DPP10: variants seen among roughly 807,000 people sequenced by gnomAD.
DPP10 encodes the protein dipeptidyl peptidase like 10.
In DPP10, 33 loss-of-function variants were observed where a neutral mutation model predicts 120.9. The ratio of observed to expected loss-of-function variants is 0.27; its 90% CI spans 0.21 to 0.37. The LOEUF (loss-of-function observed/expected upper bound fraction) is 0.37. DPP10 is among the 10% of genes least tolerant of loss of function. The pLI is 1.00. For missense variants in DPP10, 816 were observed against 942.8 expected, an observed-to-expected ratio of 0.87 and a Z score of 1.76; for synonymous variants, 337 against 326.1, an observed-to-expected ratio of 1.03 and a Z score of -0.36.
At chr2:114,620,871 G>A (rs1011856348) in intron 1 of DPP10, among the ~76,000 whole-genome samples, 1 of 152,096 alleles carries the variant, frequency 6.6e-6, no homozygotes, top group Non-Finnish European at 1.5e-5. Flanking sequence ...TAGCTTAGAA[G>A]CTTTGTCTTT....
intron 1 of DPP10, among the ~76,000 whole-genome samples, chr2:114,816,565 A>C (rs1030893635): frequency 6.6e-6 from 1 of 151,994 alleles, no homozygotes; most frequent in South Asian, 2.1e-4. Flanking sequence ...CCATCTCTTG[A>C]TTGTGTTGCT....
chr2:115,402,854 A>ATATATATATATATATATAT (rs1553584380), intron 3 of DPP10, among the ~76,000 whole-genome samples: 2 of 97,668 alleles, frequency 2.0e-5, no homozygotes, highest in African/African-American at 7.9e-5. Context: ...AAAAAAAAAA[A>ATATATATATATATATATAT]ATATATATAT....
At chr2:115,525,725 T>C (rs1324127485) in intron 4 of DPP10, among the ~76,000 whole-genome samples, 173 bp from the exon 5 acceptor site, 2 of 152,030 alleles carry the variant, frequency 1.3e-5, no homozygotes, top group African/African-American at 4.8e-5. Context: ...TCTTTAAGCT[T>C]TTTATATTCA....
At chr2:114,813,592 T>A (rs1048506110) in intron 1 of DPP10, among the ~76,000 whole-genome samples, 2 of 152,232 alleles carry the variant, frequency 1.3e-5, no homozygotes, top group African/African-American at 4.8e-5. Flanking sequence ...AAAATCTTAC[T>A]ACCTTATTCT....
intron 1 of DPP10, chr2:115,066,722 G>A (rs1345169509): frequency 6.6e-6 from 1 of 152,094 alleles, no homozygotes; most frequent in Non-Finnish European, 1.5e-5. Flanking sequence ...AGATGACTAA[G>A]GGAACAAAAT....
rs77252552 is a variant in DPP10, at chr2:114,853,044, G to A, written c.60+410206G>A. On this transcript the variant is annotated intron_variant, in intron 1 of 25. Transcript: ENST00000410059. ...AACTGCTCACAGACTTAAAAGTAAG[G>A]TATGTTGAGCTAAAGAAGCCAGAGA... Among the ~76,000 whole-genome samples, 1,303 of 152,178 alleles carry A rather than the reference G, an allele frequency of 8.6e-3. 7 individuals are homozygous for A. The highest frequency in any genetic ancestry group is 0.014 in the Non-Finnish European group (946 of 68,014).
intron 3 of DPP10, among the ~76,000 whole-genome samples, chr2:115,479,165 G>A (rs1168207867): frequency 6.6e-6 from 1 of 152,136 alleles, no homozygotes; most frequent in Non-Finnish European, 1.5e-5. Flanking sequence ...AGTGTCCATT[G>A]ATGGATGAGT....
chr2:115,824,175 T>A (rs1688078350), intron 21 of DPP10, among the ~76,000 whole-genome samples: 1 of 152,138 alleles, frequency 6.6e-6, no homozygotes, highest in Non-Finnish European at 1.5e-5. Context: ...TTATGAAATT[T>A]AAAAAAATGC....
At chr2:115,307,001 A>T (rs146618522) in intron 1 of DPP10, among the ~76,000 whole-genome samples, 7 of 152,190 alleles carry the variant, frequency 4.6e-5, no homozygotes, top group African/African-American at 1.7e-4. Context: ...GTGGCATTAT[A>T]GTGGTTAAGT....
At chr2:115,365,059 A>G (rs1174586437) in intron 3 of DPP10, among the ~76,000 whole-genome samples, 1 of 152,162 alleles carries the variant, frequency 6.6e-6, no homozygotes, top group Admixed American at 6.6e-5. Context: ...AGTTACATGT[A>G]TATATAAAGA....
intron 1 of DPP10, among the ~76,000 whole-genome samples, chr2:115,238,013 T>C (rs2058084725): frequency 1.3e-5 from 2 of 152,180 alleles, no homozygotes; most frequent in Non-Finnish European, 2.9e-5. Flanking sequence ...TTGGCCACAC[T>C]AGACAACAAA....
intron 1 of DPP10, among the ~76,000 whole-genome samples, chr2:114,911,297 T>C (rs1694351092): frequency 6.6e-6 from 1 of 152,228 alleles, no homozygotes; most frequent in African/African-American, 2.4e-5. Flanking sequence ...TCTGCTTTTG[T>C]ATGACTTTGT....
At position 115,494,602 on chromosome 2, in the gene DPP10, T is replaced by A. The variant is rs538238503; in HGVS notation, c.272-4908T>A. ...TAGATTTACCATTGATATATTTAATTAAAGAATAAAATCTTGTTGTTTAAC... is the reference window on the plus strand; with the variant it reads ...TAGATTTACCATTGATATATTTAATAAAAGAATAAAATCTTGTTGTTTAAC... On this transcript the variant is annotated intron_variant, in intron 3 of 25. Transcript: ENST00000410059. 2.0e-5 allele frequency among the ~76,000 whole-genome samples: 3 copies of A among 152,320 alleles called. No homozygotes were observed. In the East Asian group the frequency reaches 5.8e-4, roughly 29 times the overall value.
Position 115,689,731 on chromosome 2 carries a change from A to G in DPP10, c.486A>G (p.Ile162Met), listed in dbSNP as rs2091204147. Reference protein sequence around the residue: ...SYTASYVIYNIHTREVWELNP... With the variant: ...SYTASYVIYNMHTREVWELNP... ...CTGCTTCATATGTGATTTACAACAT[A>G]CACACTAGGTAAGTTCTTTGATTTT... The change falls in exon 6 of 26, where the codon ATA becomes ATG. Residue 162 changes from isoleucine (I) to methionine (M), a missense_variant. Around this residue, in one of 3 missense-constraint regions of DPP10, gnomAD observed 182 missense variants for 207.4 expected, o/e 0.88. Transcript: ENST00000410059. The G allele has an allele frequency of 1.9e-6, 3 of 1,598,260 alleles. No homozygotes were observed. The highest frequency in any genetic ancestry group is 2.2e-5 in the East Asian group (1 of 44,764).
chr2:115,124,650 C>T (rs2049984430), intron 1 of DPP10, among the ~76,000 whole-genome samples: 1 of 152,166 alleles, frequency 6.6e-6, no homozygotes, highest in African/African-American at 2.4e-5. Flanking sequence ...TTCCTAATAC[C>T]TAGAATTATA....
intron 21 of DPP10, 38 bp from the exon 22 acceptor site, chr2:115,836,119 G>GATATAT (rs34212292): frequency 1.8e-4 from 130 of 731,300 alleles, no homozygotes; most frequent in South Asian, 4.1e-4. Context: ...GTGTGTGTGA[G>GATATAT]ATATATATAT....
intron 1 of DPP10, among the ~76,000 whole-genome samples, chr2:114,931,209 G>A (rs934171310): frequency 7.9e-5 from 12 of 152,056 alleles, no homozygotes; most frequent in African/African-American, 2.4e-4. Flanking sequence ...GTCTTTGCTT[G>A]TTTGTGTTGT....
intron 1 of DPP10, among the ~76,000 whole-genome samples, chr2:114,582,145 CA>C (rs1690580585): frequency 1.3e-5 from 2 of 152,270 alleles, no homozygotes; most frequent in African/African-American, 4.8e-5. Flanking sequence ...CCCTGACAAC[CA>C]CTGATCTTTT....
chr2:114,967,642 G>A (rs766484798), intron 1 of DPP10, among the ~76,000 whole-genome samples: 3 of 152,178 alleles, frequency 2.0e-5, no homozygotes, highest in Non-Finnish European at 4.4e-5. Flanking sequence ...GAAGAATAGT[G>A]AAAGGCTGGA....
Sources: allele counts gnomAD v4.1 joint callset (sites outside exome capture counted in the v4.1 genomes callset), GRCh38; gene constraint gnomAD v4.1.1; regional missense constraint gnomAD v4.1.1; transcripts MANE v1.5; gene names NCBI Gene and HGNC (gene_info 2026-07-23, HGNC 2026-07-21).